Variants in AP1S2 observed in about 807,000 individuals in gnomAD.
AP1S2 encodes the protein AP-1 complex subunit sigma-2.
AP1S2 carries 1 observed loss-of-function variant against 14.3 expected under a neutral mutation model. That is an observed-to-expected ratio of 0.07 (90% CI 0.02 to 0.33). The LOEUF is 0.33. Among genes scored for constraint, AP1S2 ranks in the 10% least tolerant of loss-of-function variants. The pLI is 0.99. For synonymous variants in AP1S2, 30 were observed against 40.5 expected (o/e 0.74, Z 0.99); for missense variants, 30 against 117.7 (o/e 0.25, Z 3.45).
chrX:15,846,714 G>A (rs1184340625), intron 2 of AP1S2, among the ~76,000 whole-genome samples: 1 of 112,123 alleles, frequency 8.9e-6, no homozygotes, highest in Non-Finnish European at 1.9e-5. Flanking sequence ...ACAGCTCCAC[G>A]TTATTACAGA....
At chrX:15,832,651 T>C (rs1358684992) in intron 4 of AP1S2, 42 of 787,763 alleles carry the variant, frequency 5.3e-5, no homozygotes, top group Non-Finnish European at 6.4e-5. Context: ...TCTGTATCAA[T>C]GGCATTAGTG....
At chrX:15,849,454 T>C (rs997055272) in intron 2 of AP1S2, among the ~76,000 whole-genome samples, 2 of 112,721 alleles carry the variant, frequency 1.8e-5, no homozygotes, top group African/African-American at 3.2e-5. Context: ...GTAGAGTAGA[T>C]GAGGTTTTCA....
chrX:15,838,243 T>C (rs1933713269), intron 4 of AP1S2, among the ~76,000 whole-genome samples: 1 of 110,973 alleles, frequency 9.0e-6, no homozygotes, highest in South Asian at 3.8e-4. Flanking sequence ...CAAAAATGTG[T>C]CCAAACATTA....
At chrX:15,834,656 T>G (rs1454676859) in intron 4 of AP1S2, among the ~76,000 whole-genome samples, 2 of 96,623 alleles carry the variant, frequency 2.1e-5, no homozygotes, top group Admixed American at 1.2e-4. Context: ...TTGTATTTTT[T>G]TTTTTTTTTT....
rs1045198031 is a variant in AP1S2 at position 15,844,401 on chromosome X, A to G, written c.426+978T>C. Among the ~76,000 whole-genome samples the G allele has an allele frequency of 8.0e-5, 9 of 112,926 alleles. 1 individual carries two copies. Among genetic ancestry groups the G allele is most frequent in the African/African-American group, 2.9e-4 (9 of 31,111 alleles). On this transcript the variant is annotated intron_variant, in intron 4 of 5. Transcript: ENST00000672987. ...GAAGGGACTAAAATAAACTGGAAAT[A>G]CAAAATCATATTTTCAATGCTTCTG...
intron 4 of AP1S2, among the ~76,000 whole-genome samples, chrX:15,835,008 A>G (rs1419430794): frequency 9.0e-6 from 1 of 110,986 alleles, no homozygotes; most frequent in Non-Finnish European, 1.9e-5. Context: ...TATTCACCAT[A>G]CTAGGCTTAT....
chrX:15,844,418 A>G (rs903958426), intron 4 of AP1S2, among the ~76,000 whole-genome samples: 2 of 112,800 alleles, frequency 1.8e-5, no homozygotes, highest in Admixed American at 9.3e-5. Flanking sequence ...CATATTTTCA[A>G]TGCTTCTGGA....
intron 1 of AP1S2, 33 bp downstream of exon 1, chrX:15,854,655 C>CAA: frequency 1.8e-6 from 1 of 550,330 alleles, no homozygotes; most frequent in Non-Finnish European, 2.2e-6. Flanking sequence ...TCTCCCCCAT[C>CAA]CCCGGCGCCC....
chrX:15,839,242 C>T (rs1230191132), intron 4 of AP1S2, among the ~76,000 whole-genome samples: 1 of 111,767 alleles, frequency 8.9e-6, no homozygotes, highest in African/African-American at 3.3e-5. Context: ...GTCTTGTTAA[C>T]TTTAAAAGAG....
intron 4 of AP1S2, among the ~76,000 whole-genome samples, chrX:15,838,787 G>A (rs186192450): frequency 1.9e-3 from 216 of 110,810 alleles, no homozygotes; most frequent in African/African-American, 6.2e-3. Context: ...TCACTCTGTC[G>A]CCCAGGCTGG....
At chrX:15,835,949 AAATAAT>A (rs1031839272) in intron 4 of AP1S2, among the ~76,000 whole-genome samples, 5 of 110,370 alleles carry the variant, frequency 4.5e-5, no homozygotes, top group South Asian at 7.6e-4. Flanking sequence ...ACAAAAAATA[AAATAAT>A]AATAATAATA....
chrX:15,834,529 G>A (rs1933564492), intron 4 of AP1S2, among the ~76,000 whole-genome samples: 1 of 86,158 alleles, frequency 1.2e-5, no homozygotes, highest in Admixed American at 1.4e-4. Context: ...AGGCTAGAAG[G>A]CAGTGGCTTG....
In AP1S2 at chrX:15,840,377, G is replaced by A. The variant is rs1933790248; in HGVS notation, c.426+5002C>T. ...CTAAGGGTTAAAGCCCAAATGCCCA[G>A]TATTTAACTATTTGATCTTCACGGA... On this transcript the variant is annotated intron_variant, in intron 4 of 5. Coordinates refer to ENST00000672987, the MANE Select transcript of AP1S2 (RefSeq NM_001272071.2). 1.3e-5 allele frequency: 4 copies of A among 303,580 alleles called. No individual in the cohort carries two copies. In the South Asian group the frequency reaches 2.0e-4, roughly 15 times the overall value. The allele number at this position is 303,580 out of a possible 1,213,427, so 25.0% of individuals were successfully genotyped here. A position where few individuals can be genotyped will look rare whatever the true frequency, so the allele number is the denominator to read the frequency against.
Position 15,827,159 on chromosome X carries a change from A to G in AP1S2, c.*166T>C. 7.9e-6 allele frequency: 4 copies of G among 506,820 alleles called. No individual in the cohort carries two copies. Among genetic ancestry groups the G allele is most frequent in the East Asian group, 3.5e-5 (1 of 28,617 alleles). 41.8% of individuals were successfully genotyped at this position (506,820 alleles called of 1,213,427 possible). A position where few individuals can be genotyped will look rare whatever the true frequency, so the allele number is the denominator to read the frequency against. On this transcript the variant is annotated 3_prime_UTR_variant, in exon 6 of 6. Coordinates refer to ENST00000672987, the MANE Select transcript of AP1S2 (RefSeq NM_001272071.2). ...TAAGTCCCTTATCACTTAATTAACT[A>G]AAGTTCCCTTTTAAAAAAAAATTGT...
chrX:15,827,492 T>A, intron 5 of AP1S2, 120 bp from the exon 6 acceptor site: 1 of 672,578 alleles, frequency 1.5e-6, no homozygotes, highest in Non-Finnish European at 2.4e-6. Context: ...CGTGTCACAG[T>A]AGCATTCTAG....
chrX:15,838,202 C>G (rs1933711455), intron 4 of AP1S2, among the ~76,000 whole-genome samples: 1 of 110,942 alleles, frequency 9.0e-6, no homozygotes, highest in Non-Finnish European at 1.9e-5. Flanking sequence ...CTACTGGATG[C>G]CGGTAGCACT....
At chrX:15,851,432 ACT>A (rs1315885736) in intron 2 of AP1S2, among the ~76,000 whole-genome samples, 1 of 112,259 alleles carries the variant, frequency 8.9e-6, no homozygotes, top group Non-Finnish European at 1.9e-5. Context: ...TGTATCCCAT[ACT>A]GTTACTTCCA....
In AP1S2 at chrX:15,826,643, G is replaced by C. The variant is rs1298192267; in HGVS notation, c.*682C>G. ...CATCTCAGGAGTCAAATGTGCCTTG[G>C]CCTTAAAAATTATGTGCTTACTATT... On this transcript the variant is annotated 3_prime_UTR_variant, in exon 6 of 6. Coordinates refer to ENST00000672987, the MANE Select transcript of AP1S2 (RefSeq NM_001272071.2). The C allele has an allele frequency of 9.0e-6, 1 of 110,574 alleles. No homozygotes were observed. Among genetic ancestry groups the C allele is most frequent in the Non-Finnish European group, 1.9e-5 (1 of 52,810 alleles). 9.1% of individuals were successfully genotyped at this position (110,574 alleles called of 1,213,427 possible). A position where few individuals can be genotyped will look rare whatever the true frequency, so the allele number is the denominator to read the frequency against.
Position 15,830,648 on chromosome X carries a change from A to G in AP1S2, c.427-2448T>C, listed in dbSNP as rs1428256555. On this transcript the variant is annotated intron_variant, in intron 4 of 5. Transcript: ENST00000672987. ...ATATTAAAGGTTTTAAAATTCAGAA[A>G]TATAATGCCACAGTTAACAAAGTAT... 5 of 628,069 alleles carry G rather than the reference A, an allele frequency of 8.0e-6. No homozygotes were observed. The East Asian group carries it at 4.9e-4, about 62-fold the overall frequency. The allele number at this position is 628,069 out of a possible 1,213,427, so 51.8% of individuals were successfully genotyped here.
Sources: gnomAD v4.1 joint callset for allele counts (sites outside exome capture counted in the v4.1 genomes callset) on GRCh38, gnomAD v4.1.1 for gene constraint, MANE v1.5 for transcripts, NCBI Gene and HGNC (gene_info 2026-07-23, HGNC 2026-07-21) for gene names.